The following SLC4A4 variants were observed in gnomAD, a reference collection of about 807,000 sequenced individuals.
SLC4A4 encodes the protein solute carrier family 4 member 4, also known as electrogenic sodium bicarbonate cotransporter 1.
A neutral mutation model predicts 111.5 loss-of-function variants in SLC4A4; 27 were observed. The ratio of observed to expected loss-of-function variants is 0.24; its 90% CI spans 0.18 to 0.33. SLC4A4 has a LOEUF of 0.33. Ranked by LOEUF, SLC4A4 falls within the 10% of genes least tolerant of loss-of-function variation. The pLI is 1.00. For missense variants in SLC4A4, 909 were observed against 1,315.5 expected, an observed-to-expected ratio of 0.69 and a Z score of 4.78; for synonymous variants, 443 against 463.4, an observed-to-expected ratio of 0.96 and a Z score of 0.57.
Position 71,070,041 on chromosome 4 carries a change from AT to A in SLC4A4, c.-65+7257del, listed in dbSNP as rs1327994958. On this transcript the variant is annotated intron_variant, in intron 1 of 26. Coordinates refer to the SLC4A4 transcript ENST00000649996. The stretch of plus-strand genomic sequence containing the variant: ...AGGCTACAGGTCAAAGAATCAGAAG[AT>A]TTTCTCATTTATTTGTTTTATATGT... Among the ~76,000 whole-genome samples the A allele has an allele frequency of 1.5e-4, 23 of 152,118 alleles. 1 individual carries two copies. The East Asian group carries it at 4.2e-3, about 28-fold the overall frequency.
intron 1 of SLC4A4, among the ~76,000 whole-genome samples, chr4:71,080,842 T>C (rs1420946292): frequency 1.3e-5 from 2 of 152,058 alleles, no homozygotes; most frequent in African/African-American, 4.8e-5. Flanking sequence ...ATTCTAGCTA[T>C]TACATAGAGT....
chr4:71,157,565 A>T (rs1744512623), intron 2 of SLC4A4, among the ~76,000 whole-genome samples: 1 of 142,066 alleles, frequency 7.0e-6, no homozygotes, highest in Admixed American at 6.7e-5. Context: ...TTTTGCATAC[A>T]TTATAGAATG....
At chr4:71,519,547 T>C (rs1732736057) in intron 16 of SLC4A4, among the ~76,000 whole-genome samples, 1 of 152,242 alleles carries the variant, frequency 6.6e-6, no homozygotes, top group African/African-American at 2.4e-5. Flanking sequence ...GTTTTCAGTC[T>C]GTCATCCTCC....
intron 1 of SLC4A4, among the ~76,000 whole-genome samples, chr4:71,222,516 A>C (rs1439658802): frequency 6.6e-6 from 1 of 152,180 alleles, no homozygotes; most frequent in Non-Finnish European, 1.5e-5. Context: ...ATTTCCCACC[A>C]TGGATTCATC....
At chr4:71,557,614 T>G (rs1290450131) in intron 21 of SLC4A4, 98 bp from the exon 22 acceptor site, 1 of 1,257,090 alleles carries the variant, frequency 8.0e-7, no homozygotes, top group Non-Finnish European at 1.2e-6. Flanking sequence ...GGACACTGCT[T>G]GCCTAAATTA....
At chr4:71,272,723 A>C (rs905767384) in intron 3 of SLC4A4, among the ~76,000 whole-genome samples, 13 of 152,166 alleles carry the variant, frequency 8.5e-5, no homozygotes, top group Admixed American at 2.0e-4. Context: ...TGACTTTGAC[A>C]TGAAAAGTGT....
At chr4:71,175,805 C>G (rs1012478146) in intron 2 of SLC4A4, among the ~76,000 whole-genome samples, 1 of 152,208 alleles carries the variant, frequency 6.6e-6, no homozygotes, top group African/African-American at 2.4e-5. Context: ...TTAAATGTCC[C>G]TTTCTGACAG....
chr4:71,090,959 C>G (rs985210748), intron 1 of SLC4A4, among the ~76,000 whole-genome samples: 1 of 151,948 alleles, frequency 6.6e-6, no homozygotes, highest in Non-Finnish European at 1.5e-5. Context: ...TTTTTCTTTT[C>G]TTTTTTTTGA....
chr4:71,399,481 C>T (rs980525845), intron 7 of SLC4A4, among the ~76,000 whole-genome samples: 1 of 136,580 alleles, frequency 7.3e-6, no homozygotes, highest in Non-Finnish European at 1.6e-5. Context: ...CCCCTCCCCT[C>T]CCCCTCTCCC....
chr4:71,334,516 G>A (rs939978565), intron 3 of SLC4A4, among the ~76,000 whole-genome samples: 3 of 152,126 alleles, frequency 2.0e-5, no homozygotes, highest in African/African-American at 7.2e-5. Context: ...TCCCAAGCTG[G>A]TGTCTCGCTA....
chr4:71,482,971 T>C, intron 14 of SLC4A4, among the ~76,000 whole-genome samples: 1 of 151,642 alleles, frequency 6.6e-6, no homozygotes, highest in East Asian at 1.9e-4. Flanking sequence ...GAAATGGGTA[T>C]AAAAGTATAC....
intron 4 of SLC4A4, among the ~76,000 whole-genome samples, chr4:71,347,319 C>A (rs1400391105): frequency 6.6e-6 from 1 of 152,098 alleles, no homozygotes; most frequent in Non-Finnish European, 1.5e-5. Flanking sequence ...TGAGGATTGT[C>A]TGAGCCTATT....
chr4:71,081,227 A>G (rs1462151219), intron 1 of SLC4A4, among the ~76,000 whole-genome samples: 5 of 152,070 alleles, frequency 3.3e-5, no homozygotes, highest in Admixed American at 3.3e-4. Context: ...GCTACCCATT[A>G]TGGTTCTTTG....
chr4:71,209,986 C>T lies in SLC4A4; in HGVS notation c.-2+22585C>T, dbSNP rs150918065. 5.6e-4 allele frequency among the ~76,000 whole-genome samples: 86 copies of T among 152,256 alleles called. 1 individual carries two copies. Among genetic ancestry groups the T allele is most frequent in the African/African-American group, 6.0e-4 (25 of 41,548 alleles). The stretch of plus-strand genomic sequence containing the variant: ...AGAATTGAACATTTATACACTTTTC[C>T]GGAGAACGCTGTGACCATGTTTATC... On this transcript the variant is annotated intron_variant, in intron 1 of 25. Coordinates refer to ENST00000264485, the MANE Select transcript of SLC4A4 (RefSeq NM_001098484.3).
At chr4:71,394,464 CCTGCAAGAATGGCCATAATCAAA>C (rs1719609225) in intron 6 of SLC4A4, among the ~76,000 whole-genome samples, 1 of 152,102 alleles carries the variant, frequency 6.6e-6, no homozygotes, top group Non-Finnish European at 1.5e-5. Context: ...CCACCTTACT[CCTGCAAGAATGGCCATAATCAAA>C]AAATCAAAAA....
chr4:71,162,337 C>T (rs1008552119), intron 2 of SLC4A4, among the ~76,000 whole-genome samples: 3 of 152,162 alleles, frequency 2.0e-5, no homozygotes, highest in South Asian at 4.1e-4. Flanking sequence ...GACTCCAAAG[C>T]GCATGCCCTT....
intron 2 of SLC4A4, among the ~76,000 whole-genome samples, 195 bp downstream of exon 2, chr4:71,236,844 T>C (rs779562099): frequency 1.3e-5 from 2 of 152,234 alleles, no homozygotes; most frequent in Non-Finnish European, 2.9e-5. Flanking sequence ...AAAATCTGAT[T>C]CAATATGGGT....
At chr4:71,364,085 A>G (rs963148624) in intron 6 of SLC4A4, among the ~76,000 whole-genome samples, 2 of 152,230 alleles carry the variant, frequency 1.3e-5, no homozygotes, top group Non-Finnish European at 2.9e-5. Context: ...TTGCTGACCT[A>G]TTCCACTCTT....
intron 2 of SLC4A4, among the ~76,000 whole-genome samples, chr4:71,158,182 A>G (rs1156249548): frequency 9.4e-6 from 1 of 106,600 alleles, no homozygotes; most frequent in African/African-American, 3.7e-5. Context: ...TTTTATTTTT[A>G]TTTTTTAGGA....
Sources: allele counts gnomAD v4.1 joint callset (sites outside exome capture counted in the v4.1 genomes callset), GRCh38; gene constraint gnomAD v4.1.1; transcripts MANE v1.5; gene names NCBI Gene and HGNC (gene_info 2026-07-23, HGNC 2026-07-21).